The following CCSER2 variants were observed in gnomAD, a reference collection of about 807,000 sequenced individuals.
CCSER2 encodes the protein serine-rich coiled-coil domain-containing protein 2.
Under a neutral mutation model 92.3 loss-of-function variants are expected in CCSER2, and 46 were observed. That is an observed-to-expected ratio of 0.50 (90% CI 0.39 to 0.64). The LOEUF (loss-of-function observed/expected upper bound fraction) is 0.64. CCSER2 is among the 30% of genes least tolerant of loss of function. CCSER2 has a pLI of 0.00. For synonymous variants in CCSER2, 433 were observed against 431.4 expected (o/e 1.00, Z -0.04); for missense variants, 1,244 against 1,238.9 (o/e 1.00, Z -0.06).
At position 84,470,410 on chromosome 10, in the gene CCSER2, C is replaced by A; in HGVS notation, c.2187C>A (p.Asp729Glu). 2 of 1,382,214 alleles carry A rather than the reference C, an allele frequency of 1.4e-6. No individual in the cohort carries two copies. Among genetic ancestry groups the A allele is most frequent in the Non-Finnish European group, 1.9e-6 (2 of 1,032,606 alleles). The allele number at this position is 1,382,214 out of a possible 1,614,324, so 85.6% of individuals were successfully genotyped here. ...TAAATGAAATAAAACAACTTAAAGA[C>A]GAAATAAAGAAAAAAGATGAAAAGA... ...DLLNEIKQLK[D>E]EIKKKDEKIQ... The change falls in exon 8 of 10, where the codon GAC becomes GAA. Residue 729 changes from aspartate to glutamate, a missense_variant. Physicochemically the swap from Asp to Glu is conservative, Grantham distance 45. Coordinates refer to ENST00000372088, the MANE Select transcript of CCSER2 (RefSeq NM_001284240.2).
intron 6 of CCSER2, among the ~76,000 whole-genome samples, chr10:84,440,348 C>T (rs779740395): frequency 1.3e-5 from 2 of 151,848 alleles, no homozygotes; most frequent in African/African-American, 2.4e-5. Flanking sequence ...TTAAAGTTTC[C>T]CAAATGCTAA....
chr10:84,373,898 ATT>A (rs1387756350), intron 3 of CCSER2, 83 bp downstream of exon 3: 2 of 1,568,214 alleles, frequency 1.3e-6, no homozygotes, highest in African/African-American at 2.7e-5. Flanking sequence ...TTTGTAAAAA[ATT>A]TATGAATTAA....
chr10:84,428,912 G>C (rs1394577801), intron 5 of CCSER2, among the ~76,000 whole-genome samples: 2 of 150,488 alleles, frequency 1.3e-5, no homozygotes, highest in Non-Finnish European at 3.0e-5. Context: ...TTGGTATGTT[G>C]CGTGTTGTGT....
chr10:84,346,790 T>G (rs1232474317), intron 1 of CCSER2, among the ~76,000 whole-genome samples: 2 of 150,500 alleles, frequency 1.3e-5, no homozygotes, highest in Admixed American at 1.3e-4. Context: ...ATTTATTTAT[T>G]TGTTTATTTT....
At position 84,514,460 on chromosome 10, in the gene CCSER2, A is replaced by G. The variant is rs1849527988; in HGVS notation, c.*193A>G. The G allele has an allele frequency of 1.8e-6, 1 of 560,232 alleles. No individual in the cohort carries two copies. Among genetic ancestry groups the G allele is most frequent in the African/African-American group, 1.9e-5 (1 of 52,800 alleles). The allele number at this position is 560,232 out of a possible 1,614,324, so 34.7% of individuals were successfully genotyped here. A position where few individuals can be genotyped will look rare whatever the true frequency, so the allele number is the denominator to read the frequency against. Reference sequence around the variant, plus strand: ...TGGTTGAAGTACATGCCATTTGAGCATAATTATCTCAGGTAAACACGAAAG... The same window carrying G: ...TGGTTGAAGTACATGCCATTTGAGCGTAATTATCTCAGGTAAACACGAAAG... On this transcript the variant is annotated 3_prime_UTR_variant, in exon 10 of 10. Transcript: ENST00000372088.
At chr10:84,343,415 C>A (rs1346052359) in intron 1 of CCSER2, among the ~76,000 whole-genome samples, 1 of 152,016 alleles carries the variant, frequency 6.6e-6, no homozygotes, top group Non-Finnish European at 1.5e-5. Flanking sequence ...TAGAGTAGAC[C>A]ACTATAAGAA....
chr10:84,385,958 A>G (rs1045196054), intron 3 of CCSER2, among the ~76,000 whole-genome samples: 12 of 152,218 alleles, frequency 7.9e-5, no homozygotes, highest in Non-Finnish European at 1.3e-4. Flanking sequence ...AAGACATACA[A>G]GCAGCCAACA....
chr10:84,399,845 C>G (rs186276415), intron 3 of CCSER2, among the ~76,000 whole-genome samples: 172 of 148,402 alleles, frequency 1.2e-3, no homozygotes, highest in African/African-American at 4.2e-3. Flanking sequence ...ATTTTTAAAC[C>G]AGGCAATCAC....
intron 3 of CCSER2, chr10:84,391,064 C>T: frequency 1.3e-6 from 1 of 778,772 alleles, no homozygotes; most frequent in African/African-American, 1.7e-5. Flanking sequence ...TCAAACAAAC[C>T]AGAATATATT....
rs1019304859 is a variant in CCSER2 at position 84,516,975 on chromosome 10, C to T, written c.*2708C>T. 5.9e-5 allele frequency: 9 copies of T among 152,124 alleles called. No individual in the cohort carries two copies. The highest frequency in any genetic ancestry group is 1.9e-4 in the African/African-American group (8 of 41,424). 9.4% of individuals were successfully genotyped at this position (152,124 alleles called of 1,614,324 possible). On this transcript the variant is annotated 3_prime_UTR_variant, in exon 10 of 10. Coordinates refer to ENST00000372088, the MANE Select transcript of CCSER2 (RefSeq NM_001284240.2). Reference sequence around the variant, plus strand: ...GTCTGCTTCTTAGTAAATGTTAAGTCTGAAATGGAAGTGAGGATGTAACTC... The same window carrying T: ...GTCTGCTTCTTAGTAAATGTTAAGTTTGAAATGGAAGTGAGGATGTAACTC...
chr10:84,405,334 G>A (rs116318982), intron 3 of CCSER2, among the ~76,000 whole-genome samples: 1 of 150,120 alleles, frequency 6.7e-6, no homozygotes, highest in African/African-American at 2.4e-5. Flanking sequence ...TTCCAAAATC[G>A]ATCTTTGGTG....
In CCSER2 at chr10:84,484,573, AT is replaced by A. The variant is rs1211994396; in HGVS notation, c.2325+6914del. On this transcript the variant is annotated intron_variant, in intron 9 of 9. Coordinates refer to ENST00000372088, the MANE Select transcript of CCSER2 (RefSeq NM_001284240.2). Reference sequence around the variant, plus strand: ...TTTATTTGTATTCACTATTACTTATATTTTTAAATGCCACTAAAAGTATTTT... The same window carrying A: ...TTTATTTGTATTCACTATTACTTATATTTTAAATGCCACTAAAAGTATTTT... Among the ~76,000 whole-genome samples the A allele has an allele frequency of 9.2e-5, 14 of 152,196 alleles. No individual in the cohort carries two copies. In the East Asian group the frequency reaches 2.5e-3, roughly 27 times the overall value.
At chr10:84,459,480 A>C (rs557837400) in intron 6 of CCSER2, among the ~76,000 whole-genome samples, 32 of 152,134 alleles carry the variant, frequency 2.1e-4, no homozygotes, top group African/African-American at 7.5e-4. Flanking sequence ...TTTCACCATT[A>C]AATATGATGT....
chr10:84,456,004 C>T, intron 6 of CCSER2: 1 of 543,392 alleles, frequency 1.8e-6, no homozygotes, highest in Non-Finnish European at 3.6e-6. Flanking sequence ...GTAGCCTTCT[C>T]CAGCAACACC....
rs1331634736 is a variant in CCSER2, at chr10:84,457,332, A to G, written c.2065-6601A>G. On this transcript the variant is annotated intron_variant, in intron 6 of 9. Transcript: ENST00000372088. ...TTATATATAATATATTATATATAAT[A>G]TATTATATATTATATATAATATATA... Among the ~76,000 whole-genome samples the G allele has an allele frequency of 4.4e-3, 208 of 47,328 alleles. 1 individual carries two copies. Among genetic ancestry groups the G allele is most frequent in the African/African-American group, 0.012 (200 of 16,704 alleles). 31.0% of individuals were successfully genotyped at this position (47,328 alleles called of 152,430 possible).
At chr10:84,362,061 T>G (rs1845530559) in intron 1 of CCSER2, among the ~76,000 whole-genome samples, 1 of 152,240 alleles carries the variant, frequency 6.6e-6, no homozygotes, top group African/African-American at 2.4e-5. Context: ...TAGTGTATTC[T>G]GGTGAATCAA....
At chr10:84,381,038 T>TA (rs1346327304) in intron 3 of CCSER2, among the ~76,000 whole-genome samples, 1 of 152,132 alleles carries the variant, frequency 6.6e-6, no homozygotes, top group Non-Finnish European at 1.5e-5. Context: ...ATGGTAATTG[T>TA]ACGCACCTCC....
At chr10:84,354,552 C>G (rs559546605) in intron 1 of CCSER2, among the ~76,000 whole-genome samples, 3 of 138,194 alleles carry the variant, frequency 2.2e-5, no homozygotes, top group Non-Finnish European at 4.7e-5. Context: ...CCCCGCCCCC[C>G]GCCCCGCTTC....
At chr10:84,459,514 T>G (rs188834331) in intron 6 of CCSER2, among the ~76,000 whole-genome samples, 19 of 152,188 alleles carry the variant, frequency 1.2e-4, no homozygotes, top group Admixed American at 2.6e-4. Context: ...TTTTGTTTTG[T>G]TTTGGTTTGG....
Sources: allele counts gnomAD v4.1 joint callset (sites outside exome capture counted in the v4.1 genomes callset), GRCh38; gene constraint gnomAD v4.1.1; transcripts MANE v1.5; gene names NCBI Gene and HGNC (gene_info 2026-07-23, HGNC 2026-07-21).